Variants in ESR1 observed in about 807,000 individuals in gnomAD.
The protein encoded by ESR1 is estrogen receptor.
In ESR1, 12 loss-of-function variants were observed where a neutral mutation model predicts 52.7. The observed-to-expected ratio is 0.23, with a 90% CI of 0.15 to 0.37. The LOEUF is 0.37. Among genes scored for constraint, ESR1 ranks in the 10% least tolerant of loss-of-function variants. The pLI, the probability that ESR1 is intolerant of heterozygous loss-of-function variation, is 1.00. For synonymous variants in ESR1, 305 were observed against 316.8 expected, an observed-to-expected ratio of 0.96 and a Z score of 0.39; for missense variants, 584 against 779.7, an observed-to-expected ratio of 0.75 and a Z score of 2.99.
At chr6:152,054,307 A>G (rs189540314) in intron 5 of ESR1, among the ~76,000 whole-genome samples, 1 of 152,112 alleles carries the variant, frequency 6.6e-6, no homozygotes, top group Admixed American at 6.5e-5. Context: ...ATCCATCCTA[A>G]CATACAGTTC....
chr6:152,082,962 G>A (rs943179516), intron 6 of ESR1, among the ~76,000 whole-genome samples: 2 of 152,190 alleles, frequency 1.3e-5, no homozygotes, highest in African/African-American at 4.8e-5. Context: ...CGAAATAAAA[G>A]AGGACACAAA....
intron 6 of ESR1, among the ~76,000 whole-genome samples, chr6:152,113,298 C>T (rs2051169185): frequency 6.6e-6 from 1 of 152,196 alleles, no homozygotes; most frequent in Admixed American, 6.5e-5. Context: ...ATTCCCTGAC[C>T]TTTGTCAGGC....
chr6:152,063,652 C>T (rs2047727588), intron 6 of ESR1, among the ~76,000 whole-genome samples: 1 of 152,172 alleles, frequency 6.6e-6, no homozygotes, highest in Non-Finnish European at 1.5e-5. Flanking sequence ...ATGGATTTTT[C>T]TAAAAGTCCA....
rs543923311 is a variant in ESR1 at position 152,098,446 on chromosome 6, A to G, written c.1554-286A>G. ...GAGGCCACGGAGGTCCATGGAAGTC[A>G]CCTGCATAGCAAATACCCTGAAAGT... On this transcript the variant is annotated intron_variant, in intron 7 of 7. Coordinates refer to ENST00000206249, the MANE Select transcript of ESR1 (RefSeq NM_000125.4). The surrounding 1 kb of genome is among the most constrained non-coding windows in gnomAD (Gnocchi z 5.1). Among the ~76,000 whole-genome samples, 2 of 152,000 alleles carry G rather than the reference A, an allele frequency of 1.3e-5. No homozygotes were observed. Among genetic ancestry groups the G allele is most frequent in the African/African-American group, 4.8e-5 (2 of 41,376 alleles).
intron 1 of ESR1, among the ~76,000 whole-genome samples, chr6:151,819,385 G>A (rs1429415456): frequency 6.6e-6 from 1 of 152,208 alleles, no homozygotes; most frequent in East Asian, 1.9e-4. Context: ...TAGGAACTGG[G>A]CCGCACAGCA....
chr6:151,956,210 A>G (rs192917860), intron 4 of ESR1, among the ~76,000 whole-genome samples: 7 of 152,330 alleles, frequency 4.6e-5, no homozygotes, highest in Admixed American at 3.9e-4. Context: ...TCTTTATGGT[A>G]GAACGATATA....
At chr6:151,818,519 A>G (rs896722485) in intron 1 of ESR1, among the ~76,000 whole-genome samples, 1 of 152,224 alleles carries the variant, frequency 6.6e-6, no homozygotes, top group Non-Finnish European at 1.5e-5. Flanking sequence ...ATAGCTAGCA[A>G]AGTTATCAAG....
intron 2 of ESR1, among the ~76,000 whole-genome samples, chr6:151,789,808 T>G (rs543650): frequency 0.64 from 97,584 of 151,528 alleles, 31,845 homozygotes; most frequent in African/African-American, 0.76. Context: ...GCCTGCAGTG[T>G]AATGGAGGAA....
At chr6:151,974,011 CA>C (rs1470947593) in intron 4 of ESR1, among the ~76,000 whole-genome samples, 10 of 152,252 alleles carry the variant, frequency 6.6e-5, no homozygotes, top group Admixed American at 2.0e-4. Flanking sequence ...CTCACAAAAG[CA>C]GCCATAGATG....
chr6:152,095,644 G>T (rs3020383), intron 7 of ESR1, among the ~76,000 whole-genome samples: 1 of 152,106 alleles, frequency 6.6e-6, no homozygotes, highest in East Asian at 1.9e-4. Context: ...AGTCAAAGAG[G>T]GACATGTTGC....
At chr6:151,852,259 G>A (rs1583676807) in intron 2 of ESR1, among the ~76,000 whole-genome samples, 1 of 152,120 alleles carries the variant, frequency 6.6e-6, no homozygotes, top group Non-Finnish European at 1.5e-5. Flanking sequence ...GATATTCCAG[G>A]GGTGGGGATT....
chr6:152,003,050 A>G (rs1468141964), intron 4 of ESR1, among the ~76,000 whole-genome samples: 1 of 151,900 alleles, frequency 6.6e-6, no homozygotes, highest in Non-Finnish European at 1.5e-5. Context: ...CTTCTTCAGA[A>G]CTCTTCTCAA....
chr6:151,697,117 T>C (rs991864045), intron 1 of ESR1, among the ~76,000 whole-genome samples: 13 of 152,044 alleles, frequency 8.6e-5, no homozygotes. Flanking sequence ...TGGTGTAGGA[T>C]TGGAATGAAA....
At chr6:152,018,591 T>C (rs1003828795) in intron 5 of ESR1, among the ~76,000 whole-genome samples, 2 of 151,610 alleles carry the variant, frequency 1.3e-5, no homozygotes, top group African/African-American at 2.4e-5. Context: ...GCTGGGGTGT[T>C]GGGGGTGGAA....
chr6:151,827,344 C>CAAAAAA (rs11407983), intron 1 of ESR1, among the ~76,000 whole-genome samples: 1 of 75,870 alleles, frequency 1.3e-5, no homozygotes, highest in African/African-American at 4.1e-5. Flanking sequence ...GACCCTGTCT[C>CAAAAAA]AAAAAAAAAA....
chr6:151,884,882 C>T (rs1008326693), intron 3 of ESR1, among the ~76,000 whole-genome samples: 2 of 152,188 alleles, frequency 1.3e-5, no homozygotes, highest in African/African-American at 4.8e-5. Context: ...GTTCCTGAGG[C>T]TCGAAGTTCA....
intron 3 of ESR1, among the ~76,000 whole-genome samples, chr6:151,908,943 A>G (rs1311891572): frequency 6.6e-6 from 1 of 152,078 alleles, no homozygotes; most frequent in Admixed American, 6.6e-5. Context: ...AGATTCTGTA[A>G]CTGACATAGG....
chr6:151,715,638 T>G (rs1160213089), intron 2 of ESR1, among the ~76,000 whole-genome samples: 1 of 152,220 alleles, frequency 6.6e-6, no homozygotes, highest in Non-Finnish European at 1.5e-5. Flanking sequence ...TATTGATACT[T>G]GTGTATGCTT....
At position 152,039,453 on chromosome 6, in the gene ESR1, G is replaced by A. The variant is rs540245385; in HGVS notation, c.1236-21538G>A. On this transcript the variant is annotated intron_variant, in intron 5 of 7. Coordinates refer to ENST00000206249, the MANE Select transcript of ESR1 (RefSeq NM_000125.4). Reference sequence around the variant, plus strand: ...TTCTTAGCCTGTTGACTTAGAGGTAGGAGGAGCCCGAGATTGCAATCTTAA... The same window carrying A: ...TTCTTAGCCTGTTGACTTAGAGGTAAGAGGAGCCCGAGATTGCAATCTTAA... Among the ~76,000 whole-genome samples the A allele has an allele frequency of 2.0e-5, 3 of 152,268 alleles. No individual in the cohort carries two copies. The East Asian group carries it at 5.8e-4, about 29-fold the overall frequency.
Sources: allele counts gnomAD v4.1 joint callset (sites outside exome capture counted in the v4.1 genomes callset), GRCh38; gene constraint gnomAD v4.1.1; non-coding constraint Gnocchi (gnomAD v3.1); transcripts MANE v1.5; gene names NCBI Gene and HGNC (gene_info 2026-07-23, HGNC 2026-07-21).